CCDC171: variants seen among roughly 807,000 people sequenced by gnomAD.
CCDC171 encodes coiled-coil domain containing 171.
In CCDC171, 177 loss-of-function variants were observed where a neutral mutation model predicts 168.2. That is an observed-to-expected ratio of 1.05 (90% CI 0.93 to 1.19). The LOEUF is 1.19. Among genes scored for constraint, CCDC171 ranks in the 50% most tolerant of loss-of-function variants. CCDC171 has a pLI of 0.00. For synonymous variants in CCDC171, 687 were observed against 540.8 expected (o/e 1.27, Z -3.75); for missense variants, 1,991 against 1,539.0 (o/e 1.29, Z -4.91).
intron 3 of CCDC171, among the ~76,000 whole-genome samples, chr9:16,010,403 G>A (rs769006255): frequency 6.6e-6 from 1 of 152,074 alleles, no homozygotes; most frequent in South Asian, 2.1e-4. Flanking sequence ...GTGCAGATGC[G>A]TCACTAGGGA....
intron 11 of CCDC171, among the ~76,000 whole-genome samples, chr9:15,719,049 A>G (rs943637308): frequency 6.6e-6 from 1 of 152,176 alleles, no homozygotes; most frequent in African/African-American, 2.4e-5. Context: ...AGAGAATTCA[A>G]AAGAACTGTT....
intron 18 of CCDC171, among the ~76,000 whole-genome samples, chr9:15,768,007 T>A (rs1246688190): frequency 6.7e-6 from 1 of 150,294 alleles, no homozygotes; most frequent in African/African-American, 2.5e-5. Context: ...TGTGCTAGCA[T>A]TCTAGGGGTG....
At chr9:15,964,932 T>A (rs1830656216) in intron 25 of CCDC171, among the ~76,000 whole-genome samples, 1 of 152,054 alleles carries the variant, frequency 6.6e-6, no homozygotes, top group Non-Finnish European at 1.5e-5. Flanking sequence ...GGCTAATTTT[T>A]TGTATTTTTA....
chr9:15,645,080 T>C lies in CCDC171; in HGVS notation c.823-12047T>C, dbSNP rs181774897. 1.8e-3 allele frequency among the ~76,000 whole-genome samples: 270 copies of C among 152,348 alleles called. 2 individuals are homozygous for C. The highest frequency in any genetic ancestry group is 6.1e-3 in the African/African-American group (253 of 41,578). Reference sequence around the variant, plus strand: ...ACGATCAGGCAGCAACATTGGCTGTTCAGCAATATTTGCTGTTCTGCAGCT... The same window carrying C: ...ACGATCAGGCAGCAACATTGGCTGTCCAGCAATATTTGCTGTTCTGCAGCT... On this transcript the variant is annotated intron_variant, in intron 7 of 25. Coordinates refer to ENST00000380701, the MANE Select transcript of CCDC171 (RefSeq NM_173550.4).
Position 15,744,766 on chromosome 9 carries a change from A to G in CCDC171, c.2543A>G (p.His848Arg), listed in dbSNP as rs1456669955. The change falls in exon 17 of 26, where the codon CAT becomes CGT. Residue 848 changes from histidine (H) to arginine (R), a missense_variant. Coordinates refer to ENST00000380701, the MANE Select transcript of CCDC171 (RefSeq NM_173550.4). ...LVCTGEPQDK[H>R]KFPKHQKEQL... Reference sequence around the variant, plus strand: ...TGCACAGGAGAGCCCCAAGACAAGCATAAATTTCCAAGTAAGATAATTTCT... The same window carrying G: ...TGCACAGGAGAGCCCCAAGACAAGCGTAAATTTCCAAGTAAGATAATTTCT... 2 of 1,606,648 alleles carry G rather than the reference A, an allele frequency of 1.2e-6. No homozygotes were observed. Among genetic ancestry groups the G allele is most frequent in the Admixed American group, 1.7e-5 (1 of 59,030 alleles).
chr9:15,805,548 T>G (rs2059034622), intron 21 of CCDC171, among the ~76,000 whole-genome samples: 1 of 152,136 alleles, frequency 6.6e-6, no homozygotes, highest in South Asian at 2.1e-4. Context: ...TGTAATTGTG[T>G]GTTTTCCAGT....
At chr9:15,978,750 C>T (rs965711184), downstream of CCDC171, among the ~76,000 whole-genome samples, 2 of 152,118 alleles carry the variant, frequency 1.3e-5, no homozygotes, top group Non-Finnish European at 2.9e-5. Context: ...AAATATAGTT[C>T]ACGTAACATA....
chr9:15,889,962 C>T (rs1256497669), intron 24 of CCDC171, among the ~76,000 whole-genome samples: 2 of 152,118 alleles, frequency 1.3e-5, no homozygotes, highest in Non-Finnish European at 2.9e-5. Context: ...TCAAAGTTCT[C>T]TGCTTATTCT....
chr9:15,709,909 C>T (rs985227932), intron 11 of CCDC171, among the ~76,000 whole-genome samples: 25 of 152,232 alleles, frequency 1.6e-4, no homozygotes, highest in Admixed American at 6.5e-4. Context: ...CTGTTGCCCT[C>T]ATCACTCAGA....
At chr9:16,078,070 ACACACACACAC>A in the CCDC171 span, among the ~76,000 whole-genome samples, 1 of 92,256 alleles carries the variant, frequency 1.1e-5, no homozygotes, top group South Asian at 3.2e-4. Context: ...ACACACACAC[ACACACACACAC>A]ACACACACAC....
chr9:15,568,827 AT>A (rs1563955505), intron 2 of CCDC171, among the ~76,000 whole-genome samples: 1 of 151,576 alleles, frequency 6.6e-6, no homozygotes, highest in Non-Finnish European at 1.5e-5. Flanking sequence ...TAATTTGCAA[AT>A]TTTTTTTCCC....
intron 3 of CCDC171, among the ~76,000 whole-genome samples, chr9:16,016,359 G>T (rs1833016152): frequency 6.6e-6 from 1 of 152,140 alleles, no homozygotes; most frequent in Non-Finnish European, 1.5e-5. Flanking sequence ...TCTTTTAGAA[G>T]AGTCTTCTTG....
intron 18 of CCDC171, among the ~76,000 whole-genome samples, chr9:15,746,280 G>C (rs2055272599): frequency 6.6e-6 from 1 of 152,152 alleles, no homozygotes; most frequent in African/African-American, 2.4e-5. Context: ...AGATTTGTCT[G>C]TTTAATGAAA....
intron 6 of CCDC171, among the ~76,000 whole-genome samples, chr9:15,613,203 G>T (rs1222998266): frequency 6.6e-6 from 1 of 152,106 alleles, no homozygotes; most frequent in African/African-American, 2.4e-5. Context: ...CTACGTCTTT[G>T]CCATCACCTG....
At chr9:15,909,481 T>G (rs1823289716) in intron 24 of CCDC171, among the ~76,000 whole-genome samples, 2 of 152,118 alleles carry the variant, frequency 1.3e-5, no homozygotes, top group Admixed American at 6.6e-5. Context: ...CATCCTGATA[T>G]AGTCCTTCTT....
intron 23 of CCDC171, 57 bp from the exon 24 acceptor site, chr9:15,874,475 A>T: frequency 6.8e-7 from 1 of 1,478,456 alleles, no homozygotes; most frequent in Non-Finnish European, 9.1e-7. Flanking sequence ...GACCCAGTTC[A>T]TCCCAGTTAA....
intron 9 of CCDC171, among the ~76,000 whole-genome samples, chr9:15,674,088 G>C (rs945241526): frequency 2.6e-5 from 4 of 152,156 alleles, no homozygotes; most frequent in African/African-American, 7.2e-5. Flanking sequence ...GAGGGTGTAT[G>C]TGTCCAGGAA....
chr9:15,637,563 C>T (rs1023960114), intron 7 of CCDC171, among the ~76,000 whole-genome samples: 1 of 151,300 alleles, frequency 6.6e-6, no homozygotes, highest in Non-Finnish European at 1.5e-5. Context: ...TGGTGTGCTG[C>T]ACCCATTAAC....
intron 25 of CCDC171, among the ~76,000 whole-genome samples, chr9:15,924,683 T>C (rs1166284592): frequency 6.6e-6 from 1 of 151,592 alleles, no homozygotes; most frequent in Admixed American, 6.6e-5. Flanking sequence ...CTTTCATTGA[T>C]ACATTCTTAA....
Sources: gnomAD v4.1 joint callset for allele counts (sites outside exome capture counted in the v4.1 genomes callset) on GRCh38, gnomAD v4.1.1 for gene constraint, MANE v1.5 for transcripts, NCBI Gene and HGNC (gene_info 2026-07-23, HGNC 2026-07-21) for gene names.